Variants in ADARB2 observed in about 807,000 individuals in gnomAD.
ADARB2 encodes the protein inactive double-stranded RNA-specific editase B2.
Under a neutral mutation model 62.2 loss-of-function variants are expected in ADARB2, and 25 were observed. That is an observed-to-expected ratio of 0.40 (90% CI 0.29 to 0.56). The LOEUF (loss-of-function observed/expected upper bound fraction) is 0.56. Among genes scored for constraint, ADARB2 ranks in the 20% least tolerant of loss-of-function variants. ADARB2 has a pLI of 0.43. For missense variants in ADARB2, 1,071 were observed against 1,077.4 expected (o/e 0.99, Z 0.08); for synonymous variants, 572 against 500.8 (o/e 1.14, Z -1.90).
At chr10:1,478,002 G>T (rs1456969008) in intron 1 of ADARB2, among the ~76,000 whole-genome samples, 1 of 152,138 alleles carries the variant, frequency 6.6e-6, no homozygotes, top group East Asian at 1.9e-4. Flanking sequence ...GCCTGTGCTT[G>T]GGTTCTCTCC....
chr10:1,480,619 A>G (rs1831456389), intron 1 of ADARB2, among the ~76,000 whole-genome samples: 1 of 151,512 alleles, frequency 6.6e-6, no homozygotes, highest in African/African-American at 2.4e-5. Context: ...AATGGTGTGA[A>G]CCTGGGAGGC....
rs532819124 is a variant in ADARB2 at position 1,640,992 on chromosome 10, T to A, written c.100+96059A>T. ...CTCTTAGCTAACGTCAGTGAACCCA[T>A]GAAAAGCTTAGATTCTAGCGAAAAA... On this transcript the variant is annotated intron_variant, in intron 1 of 9. Transcript: ENST00000381312. 7.2e-5 allele frequency among the ~76,000 whole-genome samples: 11 copies of A among 152,340 alleles called. No individual in the cohort carries two copies. The East Asian group carries it at 2.1e-3, about 29-fold the overall frequency.
At chr10:1,346,283 G>A (rs1832080423) in intron 3 of ADARB2, among the ~76,000 whole-genome samples, 1 of 152,220 alleles carries the variant, frequency 6.6e-6, no homozygotes, top group Admixed American at 6.5e-5. Context: ...TGGCCAGAAT[G>A]TGGCAGTGAA....
At chr10:1,622,705 G>A (rs1304922113) in intron 1 of ADARB2, among the ~76,000 whole-genome samples, 1 of 152,158 alleles carries the variant, frequency 6.6e-6, no homozygotes. Context: ...GAAAAGAGGC[G>A]ATTCCTCATG....
chr10:1,561,389 A>C (rs557244288), intron 1 of ADARB2, among the ~76,000 whole-genome samples: 46 of 152,350 alleles, frequency 3.0e-4, no homozygotes, highest in African/African-American at 1.0e-3. Context: ...TTGACTGCCT[A>C]GTTTTTTGGA....
At chr10:1,356,317 G>A (rs1247904740) in intron 3 of ADARB2, among the ~76,000 whole-genome samples, 1 of 152,234 alleles carries the variant, frequency 6.6e-6, no homozygotes, top group Non-Finnish European at 1.5e-5. Context: ...TTCAAAGCAG[G>A]TGATGTGGCC....
intron 1 of ADARB2, among the ~76,000 whole-genome samples, chr10:1,409,302 A>C (rs1832735251): frequency 6.8e-6 from 1 of 147,304 alleles, no homozygotes; most frequent in Non-Finnish European, 1.5e-5. Context: ...TCGTCAGTGC[A>C]TTCTGCAAAC....
intron 1 of ADARB2, among the ~76,000 whole-genome samples, chr10:1,587,998 A>C (rs1021380736): frequency 6.6e-6 from 1 of 151,638 alleles, no homozygotes; most frequent in African/African-American, 2.4e-5. Flanking sequence ...TTTATAAATT[A>C]CCCAGTCTCG....
intron 1 of ADARB2, among the ~76,000 whole-genome samples, chr10:1,669,431 C>G (rs892491124): frequency 6.6e-6 from 1 of 152,062 alleles, no homozygotes; most frequent in African/African-American, 2.4e-5. Flanking sequence ...GACACACACA[C>G]AGACACATGC....
intron 1 of ADARB2, among the ~76,000 whole-genome samples, chr10:1,669,481 C>T (rs1319080696): frequency 2.0e-5 from 3 of 151,832 alleles, no homozygotes; most frequent in Non-Finnish European, 4.4e-5. Flanking sequence ...GACACAGACA[C>T]ACACACACTC....
intron 6 of ADARB2, among the ~76,000 whole-genome samples, chr10:1,220,545 A>G (rs1423295279): frequency 6.6e-6 from 1 of 152,228 alleles, no homozygotes; most frequent in Non-Finnish European, 1.5e-5. Context: ...GGAAGGCAAC[A>G]TTGAAAGCAT....
chr10:1,217,246 G>A, intron 6 of ADARB2, 127 bp from the exon 7 acceptor site: 7 of 971,502 alleles, frequency 7.2e-6, no homozygotes, highest in Non-Finnish European at 8.8e-6. Context: ...TTTGGCACGA[G>A]GAAGGGGCTT....
At chr10:1,547,753 T>A (rs1015493752) in intron 1 of ADARB2, among the ~76,000 whole-genome samples, 6 of 28,002 alleles carry the variant, frequency 2.1e-4, no homozygotes, top group Non-Finnish European at 4.2e-4. Context: ...CGCACTGTGT[T>A]GGGGGGAGAG....
At position 1,340,838 on chromosome 10, in the gene ADARB2, C is replaced by T. The variant is rs567306553; in HGVS notation, c.1077+22190G>A. On this transcript the variant is annotated intron_variant, in intron 3 of 9. Coordinates refer to ENST00000381312, the MANE Select transcript of ADARB2 (RefSeq NM_018702.4). The stretch of plus-strand genomic sequence containing the variant: ...CAATAACCAGCATCCACCAGAGAAC[C>T]ACACACCCCACAGTGGCAATAACCA... Among the ~76,000 whole-genome samples, 8 of 141,228 alleles carry T rather than the reference C, an allele frequency of 5.7e-5. No individual in the cohort carries two copies. The South Asian group carries it at 9.3e-4, about 16-fold the overall frequency. 92.7% of individuals were successfully genotyped at this position (141,228 alleles called of 152,430 possible).
intron 1 of ADARB2, among the ~76,000 whole-genome samples, chr10:1,446,044 T>C (rs539008638): frequency 7.9e-6 from 1 of 126,716 alleles, no homozygotes; most frequent in Admixed American, 8.8e-5. Flanking sequence ...TCTTTAACAC[T>C]GTAGGACGAG....
At chr10:1,186,871 G>A (rs989309550) in intron 8 of ADARB2, among the ~76,000 whole-genome samples, 8 of 152,222 alleles carry the variant, frequency 5.3e-5, no homozygotes, top group African/African-American at 1.9e-4. Flanking sequence ...CCGGGAGGAA[G>A]CTGTCCCCAC....
intron 1 of ADARB2, among the ~76,000 whole-genome samples, chr10:1,448,577 A>G (rs1401487687): frequency 6.6e-6 from 1 of 152,176 alleles, no homozygotes; most frequent in African/African-American, 2.4e-5. Flanking sequence ...GTTTTCACAG[A>G]TCATTTGCAT....
At chr10:1,259,997 T>C (rs1831118509) in intron 4 of ADARB2, among the ~76,000 whole-genome samples, 1 of 152,120 alleles carries the variant, frequency 6.6e-6, no homozygotes, top group African/African-American at 2.4e-5. Flanking sequence ...TGGTTCAACA[T>C]ACGAAAATCA....
intron 1 of ADARB2, among the ~76,000 whole-genome samples, chr10:1,492,832 A>AT (rs1265410912): frequency 6.6e-6 from 1 of 152,030 alleles, no homozygotes; most frequent in African/African-American, 2.4e-5. Context: ...AGGGCTTTGT[A>AT]GGGGGAGGTG....
Sources: allele counts gnomAD v4.1 joint callset (sites outside exome capture counted in the v4.1 genomes callset), GRCh38; gene constraint gnomAD v4.1.1; transcripts MANE v1.5; gene names NCBI Gene and HGNC (gene_info 2026-07-23, HGNC 2026-07-21).